Variants in SLC24A2 observed in about 807,000 individuals in gnomAD.
SLC24A2 encodes sodium/potassium/calcium exchanger 2.
In SLC24A2, 36 loss-of-function variants were observed where a neutral mutation model predicts 62.0. That is an observed-to-expected ratio of 0.58 (90% confidence interval 0.44 to 0.77). The LOEUF is 0.77. SLC24A2 is among the 30% of genes least tolerant of loss of function. The probability of loss-of-function intolerance (pLI) is 0.00; values close to 1 mark genes in which losing one functional copy is unlikely to be tolerated. For missense variants in SLC24A2, 846 were observed against 817.9 expected (o/e 1.03, Z -0.42); for synonymous variants, 358 against 294.0 (o/e 1.22, Z -2.23).
intron 9 of SLC24A2, among the ~76,000 whole-genome samples, chr9:19,521,867 T>C (rs1438497151): frequency 6.6e-6 from 1 of 151,556 alleles, no homozygotes; most frequent in Non-Finnish European, 1.5e-5. Context: ...TTTTTTTCTT[T>C]TTTTTTCTTT....
At chr9:20,097,572 T>C in the SLC24A2 span, among the ~76,000 whole-genome samples, 1 of 151,918 alleles carries the variant, frequency 6.6e-6, no homozygotes, top group African/African-American at 2.4e-5. Context: ...ATGACATGAG[T>C]TCTCCTACTG....
chr9:19,554,701 CCCTTCCTCCTT>C (rs1834997095), intron 7 of SLC24A2, among the ~76,000 whole-genome samples: 1 of 152,174 alleles, frequency 6.6e-6, no homozygotes, highest in African/African-American at 2.4e-5. Context: ...TGCGGATGCA[CCCTTCCTCCTT>C]CCTTCCTCTT....
In SLC24A2 at chr9:19,510,060, CA is replaced by C. The variant is rs1832659133; in HGVS notation, c.*6092del. 1 of 152,020 alleles carries C rather than the reference CA, an allele frequency of 6.6e-6. No homozygotes were observed. The highest frequency in any genetic ancestry group is 6.6e-5 in the Admixed American group (1 of 15,248). The allele number at this position is 152,020 out of a possible 1,614,324, so 9.4% of individuals were successfully genotyped here. Reference sequence around the variant, plus strand: ...ATAAATTAGTGGGTAAGTACAGGCCCAGAGTTTTGGAGTAATCTAAAGTGGT... The same window carrying C: ...ATAAATTAGTGGGTAAGTACAGGCCCGAGTTTTGGAGTAATCTAAAGTGGT... On this transcript the variant is annotated 3_prime_UTR_variant, in exon 11 of 11. Coordinates refer to ENST00000341998, the MANE Select transcript of SLC24A2 (RefSeq NM_020344.4).
rs1300806398 is a variant in SLC24A2, at chr9:19,786,643, C to A, written c.224G>T (p.Gly75Val). The A allele has an allele frequency of 1.9e-6, 3 of 1,614,090 alleles. No individual in the cohort carries two copies. The highest frequency in any genetic ancestry group is 1.7e-5 in the Admixed American group (1 of 60,018). The change falls in exon 2 of 11, where the codon GGC becomes GTC. Residue 75 changes from glycine (G) to valine (V), a missense_variant. Gly to Val is a moderately radical substitution (Grantham distance 109). Coordinates refer to ENST00000341998, the MANE Select transcript of SLC24A2 (RefSeq NM_020344.4). This position sits in a 1 kb window ranked among gnomAD's most constrained non-coding sequence, Gnocchi z 5.0. ...QSTGEASVVS[G>V]PRVAQGYHQR... The stretch of plus-strand genomic sequence containing the variant: ...ATGGTAACCCTGTGCTACCCTAGGG[C>A]CACTTACAACACTGGCCTCTCCTGT...
the SLC24A2 span, among the ~76,000 whole-genome samples, chr9:19,941,588 T>TGAGA: frequency 6.7e-5 from 5 of 74,200 alleles, no homozygotes; most frequent in African/African-American, 1.9e-4. Flanking sequence ...TGTGTGTGTG[T>TGAGA]GTGAGAGAGA....
the SLC24A2 span, among the ~76,000 whole-genome samples, chr9:20,306,783 G>A: frequency 6.6e-6 from 1 of 152,152 alleles, no homozygotes; most frequent in Non-Finnish European, 1.5e-5. Context: ...TGCAACCTCT[G>A]CCTCCTGGGT....
the SLC24A2 span, among the ~76,000 whole-genome samples, chr9:20,283,435 T>A: frequency 4.1e-4 from 62 of 152,246 alleles, no homozygotes; most frequent in African/African-American, 1.5e-3. Context: ...ATCATCACTG[T>A]CCTCCTCCAG....
chr9:19,912,483 G>A, the SLC24A2 span, among the ~76,000 whole-genome samples: 4 of 152,016 alleles, frequency 2.6e-5, no homozygotes, highest in Non-Finnish European at 5.9e-5. Context: ...TTAGAACATG[G>A]GTTCTCTGCT....
the SLC24A2 span, among the ~76,000 whole-genome samples, chr9:19,932,730 C>CA: frequency 6.6e-6 from 1 of 152,198 alleles, no homozygotes; most frequent in Non-Finnish European, 1.5e-5. Flanking sequence ...GTGAGTCTGA[C>CA]ACCTACAATA....
At chr9:20,197,991 T>C in the SLC24A2 span, among the ~76,000 whole-genome samples, 1 of 152,208 alleles carries the variant, frequency 6.6e-6, no homozygotes, top group African/African-American at 2.4e-5. Flanking sequence ...AAAAAGATGC[T>C]GAAGATTTCC....
intron 2 of SLC24A2, among the ~76,000 whole-genome samples, chr9:19,634,753 C>G (rs1818270339): frequency 6.6e-6 from 1 of 152,100 alleles, no homozygotes; most frequent in African/African-American, 2.4e-5. Context: ...TTAGGGAAAC[C>G]TGGAGCTTTA....
At chr9:20,229,099 T>C in the SLC24A2 span, among the ~76,000 whole-genome samples, 3,420 of 152,114 alleles carry the variant, frequency 0.022, 135 homozygotes, top group African/African-American at 0.077. Context: ...CTGAGGGGAG[T>C]ACATACAATC....
chr9:19,764,517 G>A (rs1282362191), intron 2 of SLC24A2, among the ~76,000 whole-genome samples: 1 of 152,146 alleles, frequency 6.6e-6, no homozygotes, highest in Non-Finnish European at 1.5e-5. Flanking sequence ...GTTCTCATTG[G>A]TTTCAAAGAA....
the SLC24A2 span, among the ~76,000 whole-genome samples, chr9:19,871,901 C>G: frequency 6.6e-6 from 1 of 152,090 alleles, no homozygotes; most frequent in Non-Finnish European, 1.5e-5. Context: ...GTAAAAACTA[C>G]TTACAGTTAA....
the SLC24A2 span, among the ~76,000 whole-genome samples, chr9:20,247,991 T>G: frequency 4.6e-5 from 7 of 152,244 alleles, no homozygotes; most frequent in Admixed American, 1.3e-4. Context: ...TAAATATTCT[T>G]GATTATATCC....
At chr9:20,287,963 A>T in the SLC24A2 span, among the ~76,000 whole-genome samples, 1 of 152,206 alleles carries the variant, frequency 6.6e-6, no homozygotes, top group South Asian at 2.1e-4. Context: ...ACACATATTG[A>T]TTGCAAGGTA....
chr9:20,020,578 G>A, the SLC24A2 span, among the ~76,000 whole-genome samples: 1 of 152,140 alleles, frequency 6.6e-6, no homozygotes, highest in African/African-American at 2.4e-5. Context: ...TCAGCAGGTG[G>A]GGGGCTAGGG....
chr9:19,860,492 C>G, the SLC24A2 span, among the ~76,000 whole-genome samples: 3 of 152,142 alleles, frequency 2.0e-5, no homozygotes. Flanking sequence ...TTGATGGGTT[C>G]AGGTGAGACT....
chr9:19,610,972 C>T (rs1837142099), intron 4 of SLC24A2, among the ~76,000 whole-genome samples: 1 of 152,216 alleles, frequency 6.6e-6, no homozygotes, highest in Non-Finnish European at 1.5e-5. Context: ...AGACAGGCAG[C>T]ATACAACAAA....
Sources: gnomAD v4.1 joint callset for allele counts (sites outside exome capture counted in the v4.1 genomes callset) on GRCh38, gnomAD v4.1.1 for gene constraint, Gnocchi (gnomAD v3.1) non-coding constraint, MANE v1.5 for transcripts, NCBI Gene and HGNC (gene_info 2026-07-23, HGNC 2026-07-21) for gene names.